The following ZNF462 variants were observed in gnomAD, a reference collection of about 807,000 sequenced individuals.
ZNF462 encodes the protein zinc finger PBX1-interacting protein.
A neutral mutation model predicts 201.9 loss-of-function variants in ZNF462; 10 were observed. The ratio of observed to expected loss-of-function variants is 0.05; its 90% CI spans 0.03 to 0.08. ZNF462 has a LOEUF of 0.08. Among genes scored for constraint, ZNF462 ranks in the 10% least tolerant of loss-of-function variants. The pLI is 1.00. For synonymous variants in ZNF462, 1,227 were observed against 1,193.3 expected, an observed-to-expected ratio of 1.03 and a Z score of -0.58; for missense variants, 2,523 against 3,168.3, an observed-to-expected ratio of 0.80 and a Z score of 4.89.
chr9:106,990,267 C>T (rs1828164928), intron 10 of ZNF462, among the ~76,000 whole-genome samples: 2 of 151,904 alleles, frequency 1.3e-5, no homozygotes, highest in African/African-American at 4.8e-5. Flanking sequence ...GGTTTTATTC[C>T]ACTCTGGTCT....
chr9:106,996,421 G>A (rs1828738421), intron 10 of ZNF462, among the ~76,000 whole-genome samples: 2 of 152,152 alleles, frequency 1.3e-5, no homozygotes, highest in Non-Finnish European at 2.9e-5. Flanking sequence ...GTAGTTTACA[G>A]TCCCACCAAC....
chr9:106,907,485 G>C (rs916990838), intron 1 of ZNF462, among the ~76,000 whole-genome samples: 1 of 151,906 alleles, frequency 6.6e-6, no homozygotes, highest in Non-Finnish European at 1.5e-5. Flanking sequence ...CATTACATTA[G>C]TTTTACATAT....
In ZNF462 at chr9:106,972,103, C is replaced by G; in HGVS notation, c.6526C>G (p.Leu2176Val). The G allele has an allele frequency of 6.2e-7, 1 of 1,614,208 alleles. No individual in the cohort carries two copies. The highest frequency in any genetic ancestry group is 8.5e-7 in the Non-Finnish European group (1 of 1,180,030). ...RNNSRVSPVP[L>V]SGAAAGTEQK... is the part of the protein sequence containing the mutation. ...CAACAGCCGTGTTAGCCCTGTGCCT[C>G]TTTCTGGGGCTGCTGCTGGCACTGA... Residue 2176 changes from leucine (L) to valine (V), a missense_variant, in exon 8 of 13, where the codon CTT becomes GTT. Physicochemically the swap from Leu to Val is conservative, Grantham distance 32. Coordinates refer to ENST00000277225, the MANE Select transcript of ZNF462 (RefSeq NM_021224.6). This position sits in a 1 kb window ranked among gnomAD's most constrained non-coding sequence, Gnocchi z 4.8.
Position 106,935,511 on chromosome 9 carries a change from G to T in ZNF462, c.6125G>T (p.Arg2042Leu). The change falls in exon 6 of 13, where the codon CGC becomes CTC. Residue 2042 changes from arginine (R) to leucine (L), a missense_variant. By Grantham distance (102) the Arg-to-Leu change is moderately radical. This residue lies in a region of ZNF462 where 107 missense variants were observed against 187.7 expected (regional missense o/e 0.57). Coordinates refer to ENST00000277225, the MANE Select transcript of ZNF462 (RefSeq NM_021224.6). This position sits in a 1 kb window ranked among gnomAD's most constrained non-coding sequence, Gnocchi z 4.1. ...FVSAFRHNLD[R>L]HMQTHHGHHK... ...TTTCCTTCTACATCAAGTTTGGATC[G>T]CCATATGCAAACCCACCACGGACAC... The T allele has an allele frequency of 6.2e-7, 1 of 1,613,478 alleles. No individual in the cohort carries two copies. The highest frequency in any genetic ancestry group is 8.5e-7 in the Non-Finnish European group (1 of 1,179,698).
rs1241940693 is a variant in ZNF462 at position 106,984,372 on chromosome 9, C to T, written c.7019C>T (p.Thr2340Met). 10 of 1,613,810 alleles carry T rather than the reference C, an allele frequency of 6.2e-6. No homozygotes were observed. The highest frequency in any genetic ancestry group is 8.5e-6 in the Non-Finnish European group (10 of 1,179,926). Residue 2340 changes from threonine to methionine, a missense_variant, in exon 10 of 13, where the codon ACG becomes ATG. Coordinates refer to ENST00000277225, the MANE Select transcript of ZNF462 (RefSeq NM_021224.6). This position sits in a 1 kb window ranked among gnomAD's most constrained non-coding sequence, Gnocchi z 6.4. ...CTCTGCTACTATGAGACCAAGCACACGGAGGAACTGGACAGCCACCTTCGG... is the reference window on the plus strand; with the variant it reads ...CTCTGCTACTATGAGACCAAGCACATGGAGGAACTGGACAGCCACCTTCGG... ...CQLCYYETKH[T>M]EELDSHLRDE...
chr9:106,999,696 C>A (rs1377298738), intron 10 of ZNF462, among the ~76,000 whole-genome samples: 1 of 152,110 alleles, frequency 6.6e-6, no homozygotes, highest in South Asian at 2.1e-4. Context: ...TACAGAAATA[C>A]ATTAATTCAT....
At chr9:106,951,397 C>T (rs1409828962) in intron 7 of ZNF462, among the ~76,000 whole-genome samples, 1 of 152,108 alleles carries the variant, frequency 6.6e-6, no homozygotes, top group Non-Finnish European at 1.5e-5. Context: ...TAATTCTGTG[C>T]AAGTGTAGGT....
chr9:106,982,406 A>G (rs1158734683), intron 9 of ZNF462, among the ~76,000 whole-genome samples: 7 of 152,182 alleles, frequency 4.6e-5, no homozygotes, highest in African/African-American at 1.7e-4. Flanking sequence ...CAATAATGCT[A>G]CTTTTTAGAA....
chr9:106,964,010 T>C (rs1371192664), intron 7 of ZNF462, among the ~76,000 whole-genome samples: 2 of 103,940 alleles, frequency 1.9e-5, no homozygotes, highest in Non-Finnish European at 4.3e-5. Flanking sequence ...ATAATATTCG[T>C]GTGTGTGTGT....
chr9:106,864,053 T>TCTCTCTCTCTCTCC (rs1827187088), intron 1 of ZNF462, among the ~76,000 whole-genome samples: 1 of 59,968 alleles, frequency 1.7e-5, no homozygotes, highest in African/African-American at 7.5e-5. Flanking sequence ...TCTCTCTCTC[T>TCTCTCTCTCTCTCC]CTCTCTCTCT....
chr9:106,925,266 C>T lies in ZNF462; in HGVS notation c.1354C>T (p.Arg452Cys), dbSNP rs1004522118. The T allele has an allele frequency of 1.9e-6, 3 of 1,614,132 alleles. No individual in the cohort carries two copies. Among genetic ancestry groups the T allele is most frequent in the Non-Finnish European group, 2.5e-6 (3 of 1,180,034 alleles). ...TTGTCCTTTCCTCACCATGCATCGA[C>T]GTAGCATCTCTCGTCACATAGAAAA... The part of the protein sequence containing the change: ...PFCPFLTMHR[R>C]SISRHIENIH... The change falls in exon 3 of 13, where the codon CGT becomes TGT. Residue 452 changes from arginine (R) to cysteine (C), a missense_variant. Transcript: ENST00000277225. This position sits in a 1 kb window ranked among gnomAD's most constrained non-coding sequence, Gnocchi z 7.9.
chr9:106,865,861 T>C lies in ZNF462; in HGVS notation c.-31+2506T>C, dbSNP rs1431517609. Among the ~76,000 whole-genome samples the C allele has an allele frequency of 6.6e-6, 1 of 152,218 alleles. No homozygotes were observed. Among genetic ancestry groups the C allele is most frequent in the African/African-American group, 2.4e-5 (1 of 41,462 alleles). On this transcript the variant is annotated intron_variant, in intron 1 of 12. Coordinates refer to ENST00000277225, the MANE Select transcript of ZNF462 (RefSeq NM_021224.6). This position sits in a 1 kb window ranked among gnomAD's most constrained non-coding sequence, Gnocchi z 4.1. ...TGCTACCCTAGTCCACACACATTGA[T>C]GGGAGCTCTTCACATATTAGTTTTA...
At chr9:106,965,620 G>T (rs925388997) in intron 7 of ZNF462, among the ~76,000 whole-genome samples, 1 of 152,046 alleles carries the variant, frequency 6.6e-6, no homozygotes, top group Non-Finnish European at 1.5e-5. Context: ...AAACAAAGTG[G>T]TGGGCCATTT....
chr9:106,991,807 A>G (rs1828287802), intron 10 of ZNF462, among the ~76,000 whole-genome samples: 1 of 150,388 alleles, frequency 6.6e-6, no homozygotes, highest in African/African-American at 2.4e-5. Flanking sequence ...TTGTGTATGC[A>G]GATTATGACC....
At chr9:106,976,129 A>C (rs1396408231) in intron 9 of ZNF462, 1 of 152,236 alleles carries the variant, frequency 6.6e-6, no homozygotes, top group African/African-American at 2.4e-5. Flanking sequence ...ACAAATAAGG[A>C]AATTGGGGTA....
chr9:106,915,935 G>A (rs564357879), intron 1 of ZNF462, among the ~76,000 whole-genome samples: 1 of 152,214 alleles, frequency 6.6e-6, no homozygotes, highest in East Asian at 1.9e-4. Flanking sequence ...TTACATCAGG[G>A]GCTGCCACTG....
At chr9:106,906,599 C>T (rs1327809249) in intron 1 of ZNF462, among the ~76,000 whole-genome samples, 2 of 152,112 alleles carry the variant, frequency 1.3e-5, no homozygotes, top group Non-Finnish European at 1.5e-5. Context: ...GAATCCCAGA[C>T]AGGGTGGAAA....
At chr9:106,879,288 C>T (rs1295187374) in intron 1 of ZNF462, among the ~76,000 whole-genome samples, 1 of 150,644 alleles carries the variant, frequency 6.6e-6, no homozygotes, top group Non-Finnish European at 1.5e-5. Context: ...GGAAGGGAAG[C>T]AGTCATTTCA....
At position 106,928,450 on chromosome 9, in the gene ZNF462, C is replaced by T. The variant is rs1830291132; in HGVS notation, c.4538C>T (p.Ala1513Val). Residue 1513 changes from alanine to valine, a missense_variant, in exon 3 of 13, where the codon GCC (alanine) becomes GTC (valine). Physicochemically the swap from Ala to Val is moderately conservative, Grantham distance 64 (BLOSUM62 0). Coordinates refer to ENST00000277225, the MANE Select transcript of ZNF462 (RefSeq NM_021224.6). The surrounding 1 kb of genome is among the most constrained non-coding windows in gnomAD (Gnocchi z 9.3). ...FAQDIDINPG[A>V]VYKCRHCPYI... The stretch of plus-strand genomic sequence containing the variant: ...CAGGACATTGACATCAACCCAGGTG[C>T]CGTCTACAAATGCAGGCATTGCCCA... 6.2e-7 allele frequency: 1 copy of T among 1,614,138 alleles called. No homozygotes were observed. The highest frequency in any genetic ancestry group is 8.5e-7 in the Non-Finnish European group (1 of 1,180,032).
Sources: gnomAD v4.1 joint callset for allele counts (sites outside exome capture counted in the v4.1 genomes callset) on GRCh38, gnomAD v4.1.1 for gene constraint, gnomAD v4.1.1 regional missense constraint, Gnocchi (gnomAD v3.1) non-coding constraint, MANE v1.5 for transcripts, NCBI Gene and HGNC (gene_info 2026-07-23, HGNC 2026-07-21) for gene names.